GGNBP2: variants seen among roughly 807,000 people sequenced by gnomAD.
GGNBP2 encodes gametogenetin binding protein 2.
GGNBP2 carries 10 observed loss-of-function variants against 85.9 expected under a neutral mutation model. That is an observed-to-expected ratio of 0.12 (90% CI 0.07 to 0.20). The LOEUF (loss-of-function observed/expected upper bound fraction) is 0.20, where lower values mean the gene tolerates loss of function less well. GGNBP2 is among the 10% of genes least tolerant of loss of function. The probability of loss-of-function intolerance (pLI) is 1.00; values close to 1 mark genes in which losing one functional copy is unlikely to be tolerated. For missense variants in GGNBP2, 595 were observed against 857.8 expected (o/e 0.69, Z 3.83); for synonymous variants, 287 against 285.7 (o/e 1.00, Z -0.05).
Position 36,585,903 on chromosome 17 carries a change from C to G in GGNBP2, c.1430C>G (p.Thr477Arg), listed in dbSNP as rs1012270075. The stretch of plus-strand genomic sequence containing the variant: ...TCATCTAGCATGGAAGGGAGTGAAA[C>G]AGGTTCTCGGGAGGGTTCGGATGTT... ...GYSSSMEGSE[T>R]GSREGSDVAC... is the part of the protein sequence containing the mutation. The change falls in exon 11 of 14, where the codon ACA (threonine) becomes AGA (arginine). Residue 477 changes from threonine (T) to arginine (R), a missense_variant. Physicochemically the swap from Thr to Arg is moderately conservative, Grantham distance 71 (BLOSUM62 -1). Coordinates refer to ENST00000613102, the MANE Select transcript of GGNBP2 (RefSeq NM_024835.5). The G allele has an allele frequency of 1.9e-6, 3 of 1,613,864 alleles. No individual in the cohort carries two copies. The highest frequency in any genetic ancestry group is 2.5e-6 in the Non-Finnish European group (3 of 1,179,912).
At chr17:36,578,896 A>ACC (rs2074617608) in intron 7 of GGNBP2, 1 of 170,260 alleles carries the variant, frequency 5.9e-6, no homozygotes. Context: ...AAAAACCTAA[A>ACC]GAAGGAAAAA....
chr17:36,564,138 C>T (rs2074446885), intron 5 of GGNBP2, among the ~76,000 whole-genome samples: 1 of 152,178 alleles, frequency 6.6e-6, no homozygotes, highest in Admixed American at 6.5e-5. Context: ...CAGAGAATTT[C>T]TGACTCTAAA....
chr17:36,561,134 CTTTTT>C (rs1259726725), intron 5 of GGNBP2, among the ~76,000 whole-genome samples: 1 of 139,538 alleles, frequency 7.2e-6, no homozygotes, highest in Admixed American at 7.1e-5. Flanking sequence ...TTTTTTTTTT[CTTTTT>C]TTGAGACGGA....
intron 8 of GGNBP2, among the ~76,000 whole-genome samples, chr17:36,580,203 TTTTCTTTTC>T (rs1270746867): frequency 3.7e-5 from 5 of 136,762 alleles, no homozygotes; most frequent in South Asian, 4.8e-4. Context: ...CTTTCTTTTC[TTTTCTTTTC>T]TTTTTTTTTT....
intron 6 of GGNBP2, among the ~76,000 whole-genome samples, chr17:36,575,533 T>C (rs529122220): frequency 1.3e-5 from 2 of 149,888 alleles, no homozygotes; most frequent in Non-Finnish European, 3.0e-5. Context: ...TTTAAAACTT[T>C]AGTGAAATAA....
intron 5 of GGNBP2, among the ~76,000 whole-genome samples, chr17:36,567,010 A>G (rs1274545371): frequency 6.6e-6 from 1 of 150,910 alleles, no homozygotes; most frequent in Non-Finnish European, 1.5e-5. Context: ...CTACAAAATA[A>G]AAGTAAAAAA....
intron 6 of GGNBP2, among the ~76,000 whole-genome samples, chr17:36,568,494 GC>G (rs2074490523): frequency 6.6e-6 from 1 of 151,620 alleles, no homozygotes; most frequent in Non-Finnish European, 1.5e-5. Context: ...ACGGGGCTTC[GC>G]CATGTTGTTC....
intron 4 of GGNBP2, among the ~76,000 whole-genome samples, 156 bp from the exon 5 acceptor site, chr17:36,560,617 G>GT (rs2074408175): frequency 1.3e-5 from 2 of 152,024 alleles, no homozygotes; most frequent in East Asian, 3.9e-4. Context: ...TTGAAATAAC[G>GT]TGAGTGCCAG....
In GGNBP2 at chr17:36,545,362, C is replaced by T; in HGVS notation, c.-106-257C>T. 2 of 218,218 alleles carry T rather than the reference C, an allele frequency of 9.2e-6. 1 individual carries two copies. Among genetic ancestry groups the T allele is most frequent in the Non-Finnish European group, 1.7e-5 (2 of 119,722 alleles). The allele number at this position is 218,218 out of a possible 1,614,324, so 13.5% of individuals were successfully genotyped here. On this transcript the variant is annotated intron_variant, in intron 1 of 13. Coordinates refer to ENST00000613102, the MANE Select transcript of GGNBP2 (RefSeq NM_024835.5). The stretch of plus-strand genomic sequence containing the variant: ...GCGGGCGGGGAAGCCCCCGGCAGGC[C>T]GGTCCCTTCCGCCTCTCCTTTGGAC...
chr17:36,545,710 G>C lies in GGNBP2; in HGVS notation c.-15G>C. 1 of 1,558,366 alleles carries C rather than the reference G, an allele frequency of 6.4e-7. No individual in the cohort carries two copies. The highest frequency in any genetic ancestry group is 1.9e-5 in the Admixed American group (1 of 52,608). ...GGAGGAGGTGGTGACGGTGGCAACG[G>C]CAGCGTCGGGGACGATGGCGCGACT... On this transcript the variant is annotated 5_prime_UTR_variant, in exon 2 of 14. Coordinates refer to ENST00000613102, the MANE Select transcript of GGNBP2 (RefSeq NM_024835.5).
intron 5 of GGNBP2, among the ~76,000 whole-genome samples, chr17:36,561,356 T>A (rs1348797346): frequency 6.6e-6 from 1 of 152,074 alleles, no homozygotes; most frequent in African/African-American, 2.4e-5. Context: ...ACTCCTGACC[T>A]CAGGTGATCG....
rs200140637 is a variant in GGNBP2, at chr17:36,571,797, T to G, written c.641+4021T>G. 5.3e-5 allele frequency among the ~76,000 whole-genome samples: 8 copies of G among 152,052 alleles called. No individual in the cohort carries two copies. In the East Asian group the frequency reaches 1.5e-3, roughly 29 times the overall value. ...GGCGGAACTTGCAGTGAGCCGAGTT[T>G]GCGCCACTGCACTGCAGCCTGGGCG... On this transcript the variant is annotated intron_variant, in intron 6 of 13. Coordinates refer to ENST00000613102, the MANE Select transcript of GGNBP2 (RefSeq NM_024835.5).
At chr17:36,558,735 C>T (rs922308908) in intron 4 of GGNBP2, among the ~76,000 whole-genome samples, 9 of 150,602 alleles carry the variant, frequency 6.0e-5, no homozygotes, top group South Asian at 2.1e-4. Context: ...GGATTACAGG[C>T]GTGAGCCACC....
At chr17:36,572,816 A>C (rs567135349) in intron 6 of GGNBP2, among the ~76,000 whole-genome samples, 3 of 152,188 alleles carry the variant, frequency 2.0e-5, no homozygotes, top group African/African-American at 7.2e-5. Context: ...AACTGAAACT[A>C]TACGCATTGA....
chr17:36,579,178 C>G (rs1485981712), intron 7 of GGNBP2, 67 bp from the exon 8 acceptor site: 15 of 1,372,808 alleles, frequency 1.1e-5, no homozygotes, highest in Admixed American at 9.3e-5. Flanking sequence ...CCTGAACTTG[C>G]AGCTGTGTTA....
At chr17:36,561,973 CTTGA>C (rs901591172) in intron 5 of GGNBP2, among the ~76,000 whole-genome samples, 4 of 152,008 alleles carry the variant, frequency 2.6e-5, no homozygotes, top group African/African-American at 9.7e-5. Context: ...TAGTTTTCTT[CTTGA>C]TTAAGTGCTA....
At chr17:36,571,556 A>AT (rs2074524593) in intron 6 of GGNBP2, among the ~76,000 whole-genome samples, 1 of 151,236 alleles carries the variant, frequency 6.6e-6, no homozygotes, top group Non-Finnish European at 1.5e-5. Context: ...TCACAAAAAA[A>AT]ACAGGCCGGG....
chr17:36,587,303 G>T lies in GGNBP2; in HGVS notation c.1890+58G>T, dbSNP rs530287679. 1.5e-5 allele frequency: 23 copies of T among 1,569,872 alleles called. No homozygotes were observed. The African/African-American group carries it at 2.7e-4, about 18-fold the overall frequency. ...CTGTTTGGGAACGGGGTGGATGTGG[G>T]AGGGGATAGTATTTGAGGGCTTAAG... On this transcript the variant is annotated intron_variant, in intron 13 of 13. Coordinates refer to ENST00000613102, the MANE Select transcript of GGNBP2 (RefSeq NM_024835.5).
chr17:36,587,069 T>A lies in GGNBP2; in HGVS notation c.1714T>A (p.Phe572Ile). The A allele has an allele frequency of 6.2e-7, 1 of 1,613,874 alleles. No individual in the cohort carries two copies. The highest frequency in any genetic ancestry group is 8.5e-7 in the Non-Finnish European group (1 of 1,179,838). Residue 572 changes from phenylalanine to isoleucine, a missense_variant, in exon 13 of 14, where the codon TTT becomes ATT. By Grantham distance (21) the Phe-to-Ile change is conservative. This residue lies in a region of GGNBP2 where 120 missense variants were observed against 126.3 expected (regional missense o/e 0.95). Coordinates refer to ENST00000613102, the MANE Select transcript of GGNBP2 (RefSeq NM_024835.5). ...CTCAGGAAATACCATGCACACAGTG[T>A]TTCACCGTGACAAGACCAAAGATAC... ...ETSGNTMHTVFHRDKTKDTHP... is the reference protein window; with the variant it reads ...ETSGNTMHTVIHRDKTKDTHP...
Sources: gnomAD v4.1 joint callset for allele counts (sites outside exome capture counted in the v4.1 genomes callset) on GRCh38, gnomAD v4.1.1 for gene constraint, gnomAD v4.1.1 regional missense constraint, MANE v1.5 for transcripts, NCBI Gene and HGNC (gene_info 2026-07-23, HGNC 2026-07-21) for gene names.